The following CDH15 variants were observed in gnomAD, a reference collection of about 807,000 sequenced individuals.
The protein encoded by CDH15 is cadherin 15, also known as cadherin-15.
A neutral mutation model predicts 69.4 loss-of-function variants in CDH15; 73 were observed. The observed-to-expected ratio is 1.05, with a 90% confidence interval of 0.87 to 1.28. The LOEUF (loss-of-function observed/expected upper bound fraction) is 1.28, where lower values mean the gene tolerates loss of function less well. CDH15 is among the 50% of genes most tolerant of loss of function. CDH15 has a pLI of 0.00. For synonymous variants in CDH15, 624 were observed against 507.7 expected (o/e 1.23, Z -3.08); for missense variants, 1,343 against 1,133.6 (o/e 1.18, Z -2.65).
Position 89,193,529 on chromosome 16 carries a change from C to A in CDH15, c.1915C>A (p.Leu639Met). The A allele has an allele frequency of 6.2e-7, 1 of 1,612,128 alleles. No individual in the cohort carries two copies. The highest frequency in any genetic ancestry group is 8.5e-7 in the Non-Finnish European group (1 of 1,179,760). Residue 639 changes from leucine to methionine, a missense_variant, in exon 12 of 14, where the codon CTG becomes ATG. Physicochemically the swap from Leu to Met is conservative, Grantham distance 15. Transcript: ENST00000289746. ...RFWKQSRGKG[L>M]LHGPQDDLRD... ...CTGGAAGCAGTCTCGGGGCAAGGGG[C>A]TGCTGCACGGCCCCCAGGACGACCT...
chr16:89,189,199 A>G (rs1915579083), intron 7 of CDH15, among the ~76,000 whole-genome samples: 1 of 140,986 alleles, frequency 7.1e-6, no homozygotes, highest in Admixed American at 7.1e-5. Context: ...ACAGATGCCC[A>G]TACACAGATG....
intron 1 of CDH15, among the ~76,000 whole-genome samples, chr16:89,172,415 G>A (rs1232536637): frequency 1.3e-5 from 2 of 152,172 alleles, no homozygotes; most frequent in Non-Finnish European, 2.9e-5. Context: ...TCGATTGGGA[G>A]GGCCCAGCCC....
chr16:89,175,864 G>A lies in CDH15; in HGVS notation c.43-3552G>A, dbSNP rs114096559. Among the ~76,000 whole-genome samples the A allele has an allele frequency of 5.4e-3, 823 of 152,364 alleles. 5 individuals are homozygous for A. The highest frequency in any genetic ancestry group is 0.019 in the African/African-American group (779 of 41,588). On this transcript the variant is annotated intron_variant, in intron 1 of 13. Transcript: ENST00000289746. ...TTGCTACTCTCTGGACTCCCAGGAG[G>A]CCATGGAGGAGGGGACTCAGGTCCT...
Position 89,195,238 on chromosome 16 carries a change from C to T in CDH15, c.*83C>T, listed in dbSNP as rs759711205. 2.2e-4 allele frequency: 304 copies of T among 1,397,912 alleles called. No homozygotes were observed. The highest frequency in any genetic ancestry group is 2.7e-4 in the Non-Finnish European group (283 of 1,057,610). 86.6% of individuals were successfully genotyped at this position (1,397,912 alleles called of 1,614,324 possible). On this transcript the variant is annotated 3_prime_UTR_variant, in exon 14 of 14. Coordinates refer to ENST00000289746, the MANE Select transcript of CDH15 (RefSeq NM_004933.3). Reference sequence around the variant, plus strand: ...AGAGGCAGCCTGAGGTCACCGGGCCCGACCCCCCTGGGCCTGGGGCAGCCT... The same window carrying T: ...AGAGGCAGCCTGAGGTCACCGGGCCTGACCCCCCTGGGCCTGGGGCAGCCT...
At chr16:89,178,719 T>C (rs1173490642) in intron 1 of CDH15, among the ~76,000 whole-genome samples, 1 of 152,222 alleles carries the variant, frequency 6.6e-6, no homozygotes, top group Non-Finnish European at 1.5e-5. Context: ...GGGGCCGCTG[T>C]ATGAATTACG....
intron 1 of CDH15, among the ~76,000 whole-genome samples, chr16:89,172,549 C>T (rs550540074): frequency 1.3e-5 from 2 of 152,292 alleles, no homozygotes; most frequent in East Asian, 3.9e-4. Flanking sequence ...GGCCCAGCCC[C>T]CAGAGGCTGC....
chr16:89,181,885 G>A (rs1159506240), intron 3 of CDH15, among the ~76,000 whole-genome samples: 5 of 151,548 alleles, frequency 3.3e-5, no homozygotes, highest in African/African-American at 1.2e-4. Context: ...GTTGAAGTGA[G>A]CTGAGTCCTC....
At chr16:89,176,996 G>A (rs1338768248) in intron 1 of CDH15, among the ~76,000 whole-genome samples, 3 of 152,114 alleles carry the variant, frequency 2.0e-5, no homozygotes, top group Non-Finnish European at 4.4e-5. Flanking sequence ...GCCGGGTGGT[G>A]CAGGAGGCTG....
chr16:89,177,050 AC>A (rs769387797), intron 1 of CDH15, among the ~76,000 whole-genome samples: 139 of 151,164 alleles, frequency 9.2e-4, no homozygotes, highest in South Asian at 1.9e-3. Context: ...AGCTGCTGCC[AC>A]CCCCACCACA....
At chr16:89,190,703 C>A (rs1417450927) in intron 8 of CDH15, among the ~76,000 whole-genome samples, 1 of 152,106 alleles carries the variant, frequency 6.6e-6, no homozygotes, top group Non-Finnish European at 1.5e-5. Context: ...GGCCCAACTC[C>A]AGCCTGTGCA....
In CDH15 at chr16:89,191,701, G is replaced by A. The variant is rs1305997325; in HGVS notation, c.1422G>A (p.Leu474=). 6.2e-7 allele frequency: 1 copy of A among 1,603,006 alleles called. No homozygotes were observed. ...TATGTLSIEI[L]EVNDHAPVLA... is the part of the protein sequence containing the mutation. ...CCGGCACCCTGTCCATCGAGATCCT[G>A]GAGGTGAACGACCATGCACCTGTGC... The change falls in exon 10 of 14, where the codon CTG becomes CTA. Residue 474 remains leucine, a synonymous_variant. Transcript: ENST00000289746.
At chr16:89,174,888 G>A (rs1284338287) in intron 1 of CDH15, among the ~76,000 whole-genome samples, 1 of 152,192 alleles carries the variant, frequency 6.6e-6, no homozygotes, top group Non-Finnish European at 1.5e-5. Context: ...CGTTGATGTG[G>A]CTTTGTCCTG....
At position 89,191,460 on chromosome 16, in the gene CDH15, G is replaced by A. The variant is rs1915639047; in HGVS notation, c.1363G>A (p.Ala455Thr). The stretch of plus-strand genomic sequence containing the variant: ...CGGCTGGTACAGAGCCATCGTCCTG[G>A]CCCAGGATGACGGTGAGCGGCGCCG... The part of the protein sequence containing the change: ...KGGWYRAIVL[A>T]QDDASQPRTA... The change falls in exon 9 of 14, where the codon GCC (alanine) becomes ACC (threonine). Residue 455 changes from alanine (A) to threonine (T), a missense_variant. Physicochemically the swap from Ala to Thr is moderately conservative, Grantham distance 58. Coordinates refer to ENST00000289746, the MANE Select transcript of CDH15 (RefSeq NM_004933.3). The A allele has an allele frequency of 6.2e-7, 1 of 1,612,342 alleles. No individual in the cohort carries two copies. Among genetic ancestry groups the A allele is most frequent in the Non-Finnish European group, 8.5e-7 (1 of 1,179,950 alleles).
At chr16:89,184,515 GGTGGGGCGGGGGCTCTGGCC>G (rs1382950142) in intron 4 of CDH15, among the ~76,000 whole-genome samples, 22 of 152,342 alleles carry the variant, frequency 1.4e-4, no homozygotes, top group Admixed American at 1.3e-4. Context: ...TCCCACAGCA[GGTGGGGCGGGGGCTCTGGCC>G]TACACAGTCA....
intron 1 of CDH15, among the ~76,000 whole-genome samples, chr16:89,176,858 C>T (rs1366812776): frequency 1.3e-5 from 2 of 152,128 alleles, no homozygotes; most frequent in Admixed American, 6.5e-5. Flanking sequence ...CCATCGCCTG[C>T]CTGGGACCCC....
chr16:89,191,406 C>G lies in CDH15; in HGVS notation c.1309C>G (p.Leu437Val). The G allele has an allele frequency of 6.2e-7, 1 of 1,612,794 alleles. No homozygotes were observed. The highest frequency in any genetic ancestry group is 8.5e-7 in the Non-Finnish European group (1 of 1,179,996). ...ATGRIQTQHV[L>V]SPASPFLKGG... ...TGGCCGGATCCAGACCCAGCACGTG[C>G]TCAGCCCGGCGTCCCCCTTCCTCAA... The change falls in exon 9 of 14, where the codon CTC (leucine) becomes GTC (valine). Residue 437 changes from leucine to valine, a missense_variant. Physicochemically the swap from Leu to Val is conservative, Grantham distance 32. Coordinates refer to ENST00000289746, the MANE Select transcript of CDH15 (RefSeq NM_004933.3).
At chr16:89,178,956 G>A (rs1468821221) in intron 1 of CDH15, among the ~76,000 whole-genome samples, 10 of 152,308 alleles carry the variant, frequency 6.6e-5, no homozygotes, top group African/African-American at 2.4e-4. Context: ...CCCAGCCCTG[G>A]CTGGCCCAGG....
At chr16:89,187,342 G>T (rs957555526) in intron 5 of CDH15, 87 bp from the exon 6 acceptor site, 21 of 1,536,676 alleles carry the variant, frequency 1.4e-5, no homozygotes, top group Non-Finnish European at 1.9e-5. Flanking sequence ...AACTGAGCTG[G>T]CCAGGTGGCC....
intron 1 of CDH15, among the ~76,000 whole-genome samples, chr16:89,175,475 G>A (rs1023529793): frequency 2.0e-5 from 3 of 152,230 alleles, no homozygotes; most frequent in African/African-American, 7.2e-5. Flanking sequence ...GTGGCTTTGA[G>A]CAAATGCCTC....
Sources: allele counts gnomAD v4.1 joint callset (sites outside exome capture counted in the v4.1 genomes callset), GRCh38; gene constraint gnomAD v4.1.1; transcripts MANE v1.5; gene names NCBI Gene and HGNC (gene_info 2026-07-23, HGNC 2026-07-21).